The following GTF2H1 variants were observed in gnomAD, a reference collection of about 807,000 sequenced individuals.
GTF2H1 encodes BTF2 p62.
A neutral mutation model predicts 71.2 loss-of-function variants in GTF2H1; 16 were observed. That is an observed-to-expected ratio of 0.22 (90% CI 0.15 to 0.34). The LOEUF (loss-of-function observed/expected upper bound fraction) is 0.34. GTF2H1 is among the 10% of genes least tolerant of loss of function. GTF2H1 has a pLI of 1.00. For missense variants in GTF2H1, 498 were observed against 648.2 expected, an observed-to-expected ratio of 0.77 and a Z score of 2.52; for synonymous variants, 215 against 219.0, an observed-to-expected ratio of 0.98 and a Z score of 0.16.
intron 1 of GTF2H1, among the ~76,000 whole-genome samples, chr11:18,329,807 T>C (rs1222875963): frequency 6.6e-6 from 1 of 152,216 alleles, no homozygotes; most frequent in Non-Finnish European, 1.5e-5. Flanking sequence ...AACCAAACTA[T>C]GTATTAAACA....
At chr11:18,340,998 T>TA (rs1865145132) in intron 5 of GTF2H1, among the ~76,000 whole-genome samples, 1 of 152,212 alleles carries the variant, frequency 6.6e-6, no homozygotes, top group Non-Finnish European at 1.5e-5. Context: ...ACTCCTGAGA[T>TA]TCTTGGTATT....
intron 7 of GTF2H1, among the ~76,000 whole-genome samples, chr11:18,343,617 A>T (rs117315749): frequency 6.6e-6 from 1 of 152,322 alleles, no homozygotes; most frequent in Non-Finnish European, 1.5e-5. Context: ...TTACATAATG[A>T]TGAATCCTGA....
chr11:18,325,268 C>A (rs549513978), intron 1 of GTF2H1, among the ~76,000 whole-genome samples: 2 of 152,220 alleles, frequency 1.3e-5, no homozygotes, highest in African/African-American at 4.8e-5. Context: ...TCATATTCTT[C>A]CTTATCACTG....
At chr11:18,345,066 T>C (rs1865256329) in intron 7 of GTF2H1, among the ~76,000 whole-genome samples, 2 of 151,710 alleles carry the variant, frequency 1.3e-5, no homozygotes, top group Non-Finnish European at 2.9e-5. Flanking sequence ...TGGTATACAC[T>C]TGCAGTCCCA....
chr11:18,352,936 C>T (rs1865460395), intron 11 of GTF2H1, among the ~76,000 whole-genome samples: 2 of 152,220 alleles, frequency 1.3e-5, no homozygotes, highest in East Asian at 3.9e-4. Flanking sequence ...TCTAAAATCA[C>T]TTATTTTGGC....
rs1865148934 is a variant in GTF2H1, at chr11:18,341,242, T to C, written c.608-19T>C. The C allele has an allele frequency of 6.3e-7, 1 of 1,596,086 alleles. No homozygotes were observed. The highest frequency in any genetic ancestry group is 1.3e-5 in the African/African-American group (1 of 74,130). On this transcript the variant is annotated intron_variant, in intron 5 of 14. Transcript: ENST00000265963. ...AAATGGAAATTCAGTATATAATATTTGTGGGTTTTTTTCCACAGTAAAAAT... is the reference window on the plus strand; with the variant it reads ...AAATGGAAATTCAGTATATAATATTCGTGGGTTTTTTTCCACAGTAAAAAT...
intron 1 of GTF2H1, among the ~76,000 whole-genome samples, chr11:18,327,391 A>G (rs555626310): frequency 6.6e-6 from 1 of 152,310 alleles, no homozygotes; most frequent in South Asian, 2.1e-4. Flanking sequence ...TTTCAGAGTA[A>G]CATAGTGAAA....
chr11:18,336,194 T>C (rs913224287), intron 3 of GTF2H1, among the ~76,000 whole-genome samples: 5 of 152,230 alleles, frequency 3.3e-5, no homozygotes, highest in South Asian at 4.2e-4. Flanking sequence ...TGGCACAATC[T>C]TGGCTCGCTG....
chr11:18,364,200 A>G (rs578124250), intron 14 of GTF2H1, among the ~76,000 whole-genome samples: 54 of 152,352 alleles, frequency 3.5e-4, no homozygotes, highest in African/African-American at 1.2e-3. Context: ...TATAGTTTCC[A>G]GACAGAGCTA....
intron 11 of GTF2H1, among the ~76,000 whole-genome samples, chr11:18,354,575 G>A (rs1194652946): frequency 6.6e-6 from 1 of 152,104 alleles, no homozygotes; most frequent in African/African-American, 2.4e-5. Flanking sequence ...GGGATTATAG[G>A]CATGTGTCAC....
intron 1 of GTF2H1, 83 bp from the exon 2 acceptor site, chr11:18,332,977 G>A (rs1864935658): frequency 1.2e-6 from 1 of 839,514 alleles, no homozygotes; most frequent in Admixed American, 3.1e-5. Context: ...TTTTATATTT[G>A]AAAGGGACTC....
intron 13 of GTF2H1, among the ~76,000 whole-genome samples, chr11:18,359,774 G>C (rs886211615): frequency 2.6e-5 from 4 of 151,822 alleles, no homozygotes; most frequent in African/African-American, 7.3e-5. Flanking sequence ...GCAGTGGAGT[G>C]ATCTCTGCTC....
At chr11:18,328,767 A>T (rs1042855718) in intron 1 of GTF2H1, among the ~76,000 whole-genome samples, 1 of 151,772 alleles carries the variant, frequency 6.6e-6, no homozygotes, top group African/African-American at 2.4e-5. Context: ...CGGAGGTTGC[A>T]GTGAGCCGAG....
rs369143599 is a variant in GTF2H1 at position 18,346,080 on chromosome 11, A to G, written c.838-1508A>G. Among the ~76,000 whole-genome samples, 16 of 152,254 alleles carry G rather than the reference A, an allele frequency of 1.1e-4. No individual in the cohort carries two copies. In the East Asian group the frequency reaches 1.7e-3, roughly 17 times the overall value. ...GTTGGGATTACAGGCGTAAGCCACC[A>G]CGCCTGGCCCATATGAGTCTCATGA... On this transcript the variant is annotated intron_variant, in intron 7 of 14. Coordinates refer to ENST00000265963, the MANE Select transcript of GTF2H1 (RefSeq NM_005316.4).
At chr11:18,363,247 A>G (rs1865748043) in intron 14 of GTF2H1, among the ~76,000 whole-genome samples, 1 of 152,216 alleles carries the variant, frequency 6.6e-6, no homozygotes, top group Admixed American at 6.6e-5. Flanking sequence ...AGTACACCGT[A>G]AATAATGATT....
At position 18,365,799 on chromosome 11, in the gene GTF2H1, A is replaced by G; in HGVS notation, c.1577A>G (p.Glu526Gly). The change falls in exon 15 of 15, where the codon GAA becomes GGA. Residue 526 changes from glutamate to glycine, a missense_variant. By Grantham distance (98) the Glu-to-Gly change is moderately conservative. Around this residue, in one of 3 missense-constraint regions of GTF2H1, gnomAD observed 266 missense variants for 301.6 expected, o/e 0.88. Transcript: ENST00000265963. ...GTTTTTCAGTTGGTAAGTCACATAG[A>G]AGAGATGCTCCAGACAGCCTACAAC... ...YLSTNLVSHIEEMLQTAYNKL... is the reference protein window; with the variant it reads ...YLSTNLVSHIGEMLQTAYNKL... 6.2e-7 allele frequency: 1 copy of G among 1,613,246 alleles called. No individual in the cohort carries two copies. The highest frequency in any genetic ancestry group is 8.5e-7 in the Non-Finnish European group (1 of 1,179,220).
chr11:18,346,076 C>A (rs949403851), intron 7 of GTF2H1, among the ~76,000 whole-genome samples: 23 of 152,232 alleles, frequency 1.5e-4, no homozygotes, highest in Admixed American at 1.0e-3. Context: ...AGGCGTAAGC[C>A]ACCACGCCTG....
At chr11:18,353,793 GAGA>G (rs1274539624) in intron 11 of GTF2H1, among the ~76,000 whole-genome samples, 2 of 152,168 alleles carry the variant, frequency 1.3e-5, no homozygotes, top group African/African-American at 2.4e-5. Flanking sequence ...CCCATTTTGA[GAGA>G]AGGTTACAGG....
chr11:18,332,964 A>C, intron 1 of GTF2H1, 96 bp from the exon 2 acceptor site: 1 of 751,416 alleles, frequency 1.3e-6, no homozygotes, highest in South Asian at 2.5e-5. Flanking sequence ...CCTACAGTTT[A>C]GATTTTATAT....
Sources: allele counts gnomAD v4.1 joint callset (sites outside exome capture counted in the v4.1 genomes callset), GRCh38; gene constraint gnomAD v4.1.1; regional missense constraint gnomAD v4.1.1; transcripts MANE v1.5; gene names NCBI Gene and HGNC (gene_info 2026-07-23, HGNC 2026-07-21).